COL25A1: variants seen among roughly 807,000 people sequenced by gnomAD.
COL25A1 encodes collagen type XXV alpha 1 chain.
A neutral mutation model predicts 128.4 loss-of-function variants in COL25A1; 103 were observed. The ratio of observed to expected loss-of-function variants is 0.80; its 90% confidence interval spans 0.68 to 0.94. COL25A1 has a LOEUF of 0.94. Among genes scored for constraint, COL25A1 ranks in the 40% least tolerant of loss-of-function variants. The probability of loss-of-function intolerance (pLI) is 0.00; values close to 1 mark genes in which losing one functional copy is unlikely to be tolerated. For synonymous variants in COL25A1, 279 were observed against 277.2 expected (o/e 1.01, Z -0.06); for missense variants, 745 against 840.0 (o/e 0.89, Z 1.40).
intron 5 of COL25A1, among the ~76,000 whole-genome samples, chr4:109,037,898 C>T (rs953610445): frequency 3.9e-5 from 6 of 152,086 alleles, no homozygotes; most frequent in African/African-American, 1.4e-4. Context: ...GAAAGCTTAT[C>T]AAATCAGACA....
chr4:108,910,128 T>G (rs945396961), intron 13 of COL25A1, among the ~76,000 whole-genome samples: 4 of 152,236 alleles, frequency 2.6e-5, no homozygotes, highest in Admixed American at 2.6e-4. Flanking sequence ...CTTGAAAATA[T>G]ATCCATTTTT....
At chr4:109,018,675 TC>T (rs1757431189) in intron 5 of COL25A1, among the ~76,000 whole-genome samples, 1 of 152,150 alleles carries the variant, frequency 6.6e-6, no homozygotes, top group African/African-American at 2.4e-5. Context: ...CATTTTCTTC[TC>T]CAATATCTCA....
intron 3 of COL25A1, among the ~76,000 whole-genome samples, chr4:109,253,182 G>A (rs1030092643): frequency 1.4e-4 from 21 of 152,148 alleles, no homozygotes; most frequent in South Asian, 2.1e-4. Flanking sequence ...TATTACGCAG[G>A]ATTCTTCTGA....
chr4:109,023,468 A>C (rs1285951422), intron 5 of COL25A1, among the ~76,000 whole-genome samples: 2 of 152,248 alleles, frequency 1.3e-5, no homozygotes, highest in Non-Finnish European at 2.9e-5. Context: ...ACCAGTGCTT[A>C]GGAAATCACT....
chr4:109,077,626 C>CAG (rs1303159919), intron 3 of COL25A1, among the ~76,000 whole-genome samples: 1 of 152,136 alleles, frequency 6.6e-6, no homozygotes, highest in Non-Finnish European at 1.5e-5. Flanking sequence ...ATTTTAGCCC[C>CAG]AGAGCAATGG....
intron 3 of COL25A1, among the ~76,000 whole-genome samples, chr4:109,253,821 C>T (rs1323360728): frequency 6.6e-6 from 1 of 152,184 alleles, no homozygotes; most frequent in Non-Finnish European, 1.5e-5. Context: ...GGCGCAGTGG[C>T]TCACACCTGT....
At chr4:108,980,041 G>C (rs760705491) in intron 6 of COL25A1, among the ~76,000 whole-genome samples, 1 of 152,168 alleles carries the variant, frequency 6.6e-6, no homozygotes, top group African/African-American at 2.4e-5. Flanking sequence ...GGAGTTCAGG[G>C]TGGTAAGAAC....
intron 3 of COL25A1, among the ~76,000 whole-genome samples, chr4:109,074,009 C>T (rs1031911996): frequency 1.3e-5 from 2 of 152,330 alleles, no homozygotes; most frequent in South Asian, 2.1e-4. Context: ...GGACCAGTTT[C>T]GTGGAAGACA....
chr4:109,142,645 C>T lies in COL25A1; in HGVS notation c.368-92466G>A, dbSNP rs192973984. 1.3e-3 allele frequency among the ~76,000 whole-genome samples: 204 copies of T among 151,920 alleles called. 1 individual carries two copies. Among genetic ancestry groups the T allele is most frequent in the African/African-American group, 4.4e-3 (182 of 41,414 alleles). On this transcript the variant is annotated intron_variant, in intron 3 of 37. Transcript: ENST00000399132. ...GGTTAGCTTTGTGTTGCATTGATCC[C>T]TTTACCATTATGTAATGGCCTTCTT...
intron 3 of COL25A1, among the ~76,000 whole-genome samples, chr4:109,094,536 G>C (rs1765227152): frequency 6.6e-6 from 1 of 152,086 alleles, no homozygotes; most frequent in Non-Finnish European, 1.5e-5. Flanking sequence ...TGCTAACTTA[G>C]GAATCGTCTA....
At chr4:108,952,263 C>T (rs568790760) in intron 8 of COL25A1, among the ~76,000 whole-genome samples, 2 of 151,830 alleles carry the variant, frequency 1.3e-5, no homozygotes, top group African/African-American at 2.4e-5. Flanking sequence ...TAATTAATTG[C>T]TTTAATGAAT....
chr4:109,028,147 CAG>C, intron 5 of COL25A1, among the ~76,000 whole-genome samples: 1 of 152,276 alleles, frequency 6.6e-6, no homozygotes, highest in East Asian at 1.9e-4. Flanking sequence ...TTCACTGAGA[CAG>C]AGTCTCACTT....
At chr4:108,973,880 A>G (rs1296364255) in intron 8 of COL25A1, among the ~76,000 whole-genome samples, 3 of 152,236 alleles carry the variant, frequency 2.0e-5, no homozygotes, top group South Asian at 2.1e-4. Flanking sequence ...AAAAATCTAT[A>G]AAAACTAGAA....
chr4:108,989,002 C>T (rs1465383732), intron 6 of COL25A1, among the ~76,000 whole-genome samples: 1 of 152,232 alleles, frequency 6.6e-6, no homozygotes, highest in Non-Finnish European at 1.5e-5. Context: ...CCACTGTGGC[C>T]TCTCTCCAGG....
chr4:108,994,717 G>A (rs558264790), intron 6 of COL25A1, among the ~76,000 whole-genome samples: 6 of 152,168 alleles, frequency 3.9e-5, no homozygotes, highest in Non-Finnish European at 7.3e-5. Context: ...AGTAGGGGCC[G>A]ACAGACACCT....
intron 3 of COL25A1, among the ~76,000 whole-genome samples, chr4:109,132,613 A>T (rs1162967045): frequency 6.6e-6 from 1 of 152,182 alleles, no homozygotes; most frequent in African/African-American, 2.4e-5. Flanking sequence ...AGAAATTTTG[A>T]TTAGCTATTA....
chr4:108,832,227 A>G (rs1733208829), intron 32 of COL25A1, 153 bp downstream of exon 32: 1 of 568,352 alleles, frequency 1.8e-6, no homozygotes, highest in Non-Finnish European at 3.1e-6. Flanking sequence ...TCTCAATATT[A>G]GGACTCTGAA....
intron 3 of COL25A1, among the ~76,000 whole-genome samples, chr4:109,135,479 C>T (rs904509031): frequency 6.6e-6 from 1 of 152,066 alleles, no homozygotes; most frequent in Non-Finnish European, 1.5e-5. Context: ...TTTAATACCA[C>T]CTAAAACTCC....
chr4:108,819,552 G>A (rs1431296185), intron 35 of COL25A1, among the ~76,000 whole-genome samples: 2 of 152,148 alleles, frequency 1.3e-5, no homozygotes, highest in South Asian at 2.1e-4. Context: ...GTATGGAATC[G>A]TGCCAGTTCC....
Sources: gnomAD v4.1 joint callset for allele counts (sites outside exome capture counted in the v4.1 genomes callset) on GRCh38, gnomAD v4.1.1 for gene constraint, MANE v1.5 for transcripts, NCBI Gene and HGNC (gene_info 2026-07-23, HGNC 2026-07-21) for gene names.